SPNS2: variants seen among roughly 807,000 people sequenced by gnomAD.
SPNS2 encodes the protein sphingosine-1-phosphate transporter SPNS2.
Under a neutral mutation model 57.6 loss-of-function variants are expected in SPNS2, and 37 were observed. That is an observed-to-expected ratio of 0.64 (90% CI 0.49 to 0.85). The LOEUF is 0.85. Ranked by LOEUF, SPNS2 falls within the 40% of genes least tolerant of loss-of-function variation. The pLI, the probability that SPNS2 is intolerant of heterozygous loss-of-function variation, is 0.00. For missense variants in SPNS2, 831 were observed against 779.1 expected, an observed-to-expected ratio of 1.07 and a Z score of -0.79; for synonymous variants, 440 against 346.9, an observed-to-expected ratio of 1.27 and a Z score of -2.98.
chr17:4,512,850 G>A lies in SPNS2; in HGVS notation c.371-397G>A, dbSNP rs1185711018. Among the ~76,000 whole-genome samples, 1 of 152,168 alleles carries A rather than the reference G, an allele frequency of 6.6e-6. No individual in the cohort carries two copies. The highest frequency in any genetic ancestry group is 1.9e-4 in the East Asian group (1 of 5,182). On this transcript the variant is annotated intron_variant, in intron 1 of 12. Transcript: ENST00000329078. The surrounding 1 kb of genome is among the most constrained non-coding windows in gnomAD (Gnocchi z 5.2). ...CAGAGGGCTCCCCGCAGCTTTCAGG[G>A]CCCCCGCTGCTCTCTGAGTCATGGG...
At chr17:4,524,810 G>A (rs1338544899) in intron 2 of SPNS2, among the ~76,000 whole-genome samples, 7 of 152,236 alleles carry the variant, frequency 4.6e-5, no homozygotes, top group Admixed American at 4.6e-4. Context: ...TACCCAAAGG[G>A]CTCACCCAAA....
chr17:4,533,878 C>T (rs1487571096), intron 9 of SPNS2, 25 bp downstream of exon 9: 1 of 1,487,064 alleles, frequency 6.7e-7, no homozygotes, highest in East Asian at 2.8e-5. Flanking sequence ...CCGAGGTCAC[C>T]TTGTGCTGCT....
At chr17:4,505,038 G>C (rs975388161) in intron 1 of SPNS2, among the ~76,000 whole-genome samples, 2 of 152,152 alleles carry the variant, frequency 1.3e-5, no homozygotes, top group Non-Finnish European at 2.9e-5. Context: ...GTCCCTGGTG[G>C]GTCTCAGCGG....
rs374634561 is a variant in SPNS2 at position 4,534,933 on chromosome 17, C to T, written c.1344+1080C>T. On this transcript the variant is annotated intron_variant, in intron 9 of 12. Transcript: ENST00000329078. ...GGTCAGGGTCCCGGGGAAATCGCGT[C>T]CCGGTTTATTAAGTGTAACAGTTTA... Among the ~76,000 whole-genome samples, 11 of 152,244 alleles carry T rather than the reference C, an allele frequency of 7.2e-5. No individual in the cohort carries two copies. The East Asian group carries it at 2.1e-3, about 29-fold the overall frequency.
At position 4,510,348 on chromosome 17, in the gene SPNS2, C is replaced by T. The variant is rs554871650; in HGVS notation, c.371-2899C>T. Among the ~76,000 whole-genome samples, 1 of 152,246 alleles carries T rather than the reference C, an allele frequency of 6.6e-6. No individual in the cohort carries two copies. The highest frequency in any genetic ancestry group is 6.5e-5 in the Admixed American group (1 of 15,302). On this transcript the variant is annotated intron_variant, in intron 1 of 12. Coordinates refer to ENST00000329078, the MANE Select transcript of SPNS2 (RefSeq NM_001124758.3). This position sits in a 1 kb window ranked among gnomAD's most constrained non-coding sequence, Gnocchi z 4.4. ...AAGCTTCCTGTGTCCTGGGAACTGC[C>T]CAGGACTTCCCAGAGACCTTAGACG...
chr17:4,526,470 G>A (rs989934893), intron 3 of SPNS2, among the ~76,000 whole-genome samples: 1 of 152,132 alleles, frequency 6.6e-6, no homozygotes, highest in Non-Finnish European at 1.5e-5. Context: ...AGGCATGGTG[G>A]TGCATGCCTA....
At chr17:4,535,993 T>G in intron 9 of SPNS2, 83 bp from the exon 10 acceptor site, 1 of 1,203,892 alleles carries the variant, frequency 8.3e-7, no homozygotes, top group Non-Finnish European at 1.2e-6. Context: ...GTGTGGGGGC[T>G]TCAGAAGTGC....
In SPNS2 at chr17:4,511,488, A is replaced by T. The variant is rs1457591313; in HGVS notation, c.371-1759A>T. ...AGTGACTGTGCCACAGAGGGATGGG[A>T]TCAAACCTACACATCAGGAGGGGGA... On this transcript the variant is annotated intron_variant, in intron 1 of 12. Coordinates refer to ENST00000329078, the MANE Select transcript of SPNS2 (RefSeq NM_001124758.3). The surrounding 1 kb of genome is among the most constrained non-coding windows in gnomAD (Gnocchi z 4.6). Among the ~76,000 whole-genome samples, 2 of 152,120 alleles carry T rather than the reference A, an allele frequency of 1.3e-5. No individual in the cohort carries two copies. Among genetic ancestry groups the T allele is most frequent in the Admixed American group, 6.5e-5 (1 of 15,268 alleles).
chr17:4,503,759 C>T (rs1057107111), intron 1 of SPNS2, among the ~76,000 whole-genome samples: 11 of 152,222 alleles, frequency 7.2e-5, no homozygotes, highest in African/African-American at 2.7e-4. Context: ...GGAGTGGGGG[C>T]TGTTGAGGAA....
At chr17:4,534,889 G>C (rs6502795) in intron 9 of SPNS2, among the ~76,000 whole-genome samples, 146,231 of 152,208 alleles carry the variant, frequency 0.96, 70,361 homozygotes, top group East Asian at 1. Context: ...CCCAGGGAGC[G>C]CCTGACAGCT....
intron 5 of SPNS2, among the ~76,000 whole-genome samples, 158 bp from the exon 6 acceptor site, chr17:4,532,384 A>G (rs780065149): frequency 4.6e-5 from 7 of 152,004 alleles, no homozygotes; most frequent in Admixed American, 2.6e-4. Flanking sequence ...CCTCAGCCCC[A>G]GCTTTTCTCA....
intron 6 of SPNS2, 123 bp from the exon 7 acceptor site, chr17:4,532,854 C>A: frequency 6.8e-7 from 1 of 1,470,916 alleles, no homozygotes; most frequent in Non-Finnish European, 9.1e-7. Flanking sequence ...GCAGCCTGAA[C>A]CCTCACCCCT....
chr17:4,504,770 G>A (rs1158793905), intron 1 of SPNS2, among the ~76,000 whole-genome samples: 2 of 152,292 alleles, frequency 1.3e-5, no homozygotes, highest in East Asian at 3.9e-4. Flanking sequence ...TCTGGGCTGA[G>A]CTTCCTGTTC....
At chr17:4,533,941 CGG>C in intron 9 of SPNS2, 88 bp downstream of exon 9, 1 of 642,314 alleles carries the variant, frequency 1.6e-6, no homozygotes, top group East Asian at 3.8e-5. Flanking sequence ...GGTGAAGGGG[CGG>C]GAGAGCTGGT....
At chr17:4,515,104 G>A (rs1597362069) in intron 2 of SPNS2, among the ~76,000 whole-genome samples, 2 of 152,292 alleles carry the variant, frequency 1.3e-5, no homozygotes, top group East Asian at 3.9e-4. Flanking sequence ...GGGGTTGGGG[G>A]CTCGGCTCAA....
At chr17:4,517,575 G>A (rs952672251) in intron 2 of SPNS2, among the ~76,000 whole-genome samples, 2 of 152,118 alleles carry the variant, frequency 1.3e-5, no homozygotes, top group Non-Finnish European at 2.9e-5. Context: ...AGAATCGCTT[G>A]AACCCAAGAG....
At chr17:4,507,188 G>A (rs77873155) in intron 1 of SPNS2, among the ~76,000 whole-genome samples, 5,694 of 152,280 alleles carry the variant, frequency 0.037, 347 homozygotes, top group African/African-American at 0.13. Context: ...GCAGCCAAGC[G>A]GGAGCAGGGG....
intron 8 of SPNS2, 116 bp from the exon 9 acceptor site, chr17:4,533,672 G>C: frequency 1.6e-6 from 2 of 1,233,294 alleles, no homozygotes; most frequent in Non-Finnish European, 2.3e-6. Flanking sequence ...ATGTGGGCCC[G>C]GGAGGGGTGT....
Position 4,533,424 on chromosome 17 carries a change from G to A in SPNS2, c.1270G>A (p.Gly424Arg), listed in dbSNP as rs1015467565. Reference sequence around the variant, plus strand: ...CGTGGCTGCCAAGAGCAGCATCGTAGGAGCCTATGTGAGTGCAGCGGGGGT... The same window carrying A: ...CGTGGCTGCCAAGAGCAGCATCGTAAGAGCCTATGTGAGTGCAGCGGGGGT... The part of the protein sequence containing the change: ...IFVAAKSSIV[G>R]AYICIFVGET... Residue 424 changes from glycine to arginine, a missense_variant, in exon 8 of 13, where the codon GGA (glycine) becomes AGA (arginine). Gly to Arg is a moderately radical substitution (Grantham distance 125). Transcript: ENST00000329078. The A allele has an allele frequency of 6.2e-7, 1 of 1,603,356 alleles. No individual in the cohort carries two copies. Among genetic ancestry groups the A allele is most frequent in the East Asian group, 2.2e-5 (1 of 44,738 alleles).
Sources: allele counts gnomAD v4.1 joint callset (sites outside exome capture counted in the v4.1 genomes callset), GRCh38; gene constraint gnomAD v4.1.1; non-coding constraint Gnocchi (gnomAD v3.1); transcripts MANE v1.5; gene names NCBI Gene and HGNC (gene_info 2026-07-23, HGNC 2026-07-21).